MVB12B: variants seen among roughly 807,000 people sequenced by gnomAD.
MVB12B encodes ESCRT-I complex subunit MVB12B.
Under a neutral mutation model 41.6 loss-of-function variants are expected in MVB12B, and 16 were observed. That is an observed-to-expected ratio of 0.38 (90% CI 0.26 to 0.58). The LOEUF (loss-of-function observed/expected upper bound fraction) is 0.58. Among genes scored for constraint, MVB12B ranks in the 20% least tolerant of loss-of-function variants. MVB12B has a pLI of 0.62. For missense variants in MVB12B, 274 were observed against 380.2 expected (o/e 0.72, Z 2.32); for synonymous variants, 133 against 139.7 (o/e 0.95, Z 0.34).
chr9:126,464,761 G>A (rs941373961), intron 7 of MVB12B, among the ~76,000 whole-genome samples: 2 of 152,286 alleles, frequency 1.3e-5, no homozygotes. Context: ...TTCACATAGC[G>A]GAAGGCAGTG....
chr9:126,443,418 C>T (rs1489810431), intron 7 of MVB12B, among the ~76,000 whole-genome samples: 2 of 152,078 alleles, frequency 1.3e-5, no homozygotes, highest in East Asian at 1.9e-4. Flanking sequence ...CCGTCATTTC[C>T]GGTAAGAGCC....
intron 4 of MVB12B, among the ~76,000 whole-genome samples, chr9:126,388,825 T>A (rs1201885438): frequency 2.0e-5 from 3 of 152,370 alleles, no homozygotes; most frequent in African/African-American, 7.2e-5. Context: ...GCCATTTGTA[T>A]TATCTCCTCT....
intron 7 of MVB12B, among the ~76,000 whole-genome samples, chr9:126,453,157 A>G (rs1383112066): frequency 6.6e-6 from 1 of 152,198 alleles, no homozygotes; most frequent in East Asian, 1.9e-4. Flanking sequence ...ATATGTGAGA[A>G]AGATAAAATC....
At chr9:126,434,343 T>TA (rs1832413381) in intron 7 of MVB12B, among the ~76,000 whole-genome samples, 1 of 152,228 alleles carries the variant, frequency 6.6e-6, no homozygotes. Context: ...AGATTTGTCT[T>TA]ACAATTGTCT....
intron 6 of MVB12B, among the ~76,000 whole-genome samples, chr9:126,414,168 A>G (rs1831738518): frequency 6.6e-6 from 1 of 152,220 alleles, no homozygotes; most frequent in South Asian, 2.1e-4. Context: ...ATATTCTATA[A>G]CTGAAGGGCT....
At chr9:126,449,836 T>G (rs1832858571) in intron 7 of MVB12B, among the ~76,000 whole-genome samples, 1 of 152,210 alleles carries the variant, frequency 6.6e-6, no homozygotes, top group Non-Finnish European at 1.5e-5. Context: ...TAAACTCATT[T>G]AATCCTTGAA....
At position 126,413,932 on chromosome 9, in the gene MVB12B, C is replaced by T. The variant is rs889856342; in HGVS notation, c.663-7922C>T. 5.9e-5 allele frequency among the ~76,000 whole-genome samples: 9 copies of T among 152,002 alleles called. No individual in the cohort carries two copies. The South Asian group carries it at 1.5e-3, about 25-fold the overall frequency. On this transcript the variant is annotated intron_variant, in intron 6 of 9. Coordinates refer to ENST00000361171, the MANE Select transcript of MVB12B (RefSeq NM_033446.3). ...GCCTTGCTAGTCACCACTCTCTCGA[C>T]GCTGCCCTTTGACAGTCTGGGAGGA...
At chr9:126,491,284 G>A (rs538759115) in intron 9 of MVB12B, among the ~76,000 whole-genome samples, 202 of 152,312 alleles carry the variant, frequency 1.3e-3, no homozygotes, top group African/African-American at 4.7e-3. Flanking sequence ...CCTATGTCCC[G>A]CAGGAATAAA....
At chr9:126,405,060 T>G (rs1831381100) in intron 6 of MVB12B, among the ~76,000 whole-genome samples, 1 of 152,236 alleles carries the variant, frequency 6.6e-6, no homozygotes, top group Non-Finnish European at 1.5e-5. Flanking sequence ...AAGTCAGAGC[T>G]TCTATTTAAT....
At chr9:126,396,716 G>C in intron 6 of MVB12B, 1 of 985,372 alleles carries the variant, frequency 1.0e-6, no homozygotes, top group Non-Finnish European at 1.2e-6. Flanking sequence ...AAGACAATCT[G>C]GTCCTTCTCA....
Position 126,417,398 on chromosome 9 carries a change from C to T in MVB12B, c.663-4456C>T, listed in dbSNP as rs530548164. ...ACAGAAACCTTCTTTTTTTTCCCTT[C>T]TTGTAAATTCCTGGTTGCTGCTGCT... is the stretch of plus-strand genomic sequence containing the variant. On this transcript the variant is annotated intron_variant, in intron 6 of 9. Transcript: ENST00000361171. 2.5e-3 allele frequency among the ~76,000 whole-genome samples: 384 copies of T among 152,136 alleles called. 1 individual carries two copies. Among genetic ancestry groups the T allele is most frequent in the Non-Finnish European group, 4.8e-3 (326 of 67,956 alleles).
chr9:126,384,718 A>G (rs1830726168), intron 3 of MVB12B, among the ~76,000 whole-genome samples: 1 of 151,634 alleles, frequency 6.6e-6, no homozygotes, highest in Non-Finnish European at 1.5e-5. Context: ...TTTTAAGTAG[A>G]GACAGGGTTT....
intron 2 of MVB12B, among the ~76,000 whole-genome samples, chr9:126,351,483 C>CTTTTTTTTTTTTTTTTTTTT (rs34141510): frequency 2.3e-5 from 2 of 86,298 alleles, no homozygotes; most frequent in African/African-American, 4.6e-5. Context: ...GTCTTTCACT[C>CTTTTTTTTTTTTTTTTTTTT]TTTTTTTTTT....
chr9:126,332,362 C>G (rs929499766), intron 1 of MVB12B, among the ~76,000 whole-genome samples: 1 of 152,202 alleles, frequency 6.6e-6, no homozygotes, highest in Non-Finnish European at 1.5e-5. Flanking sequence ...TCTCCAGTCT[C>G]AGTCCCAGCC....
At chr9:126,438,850 A>G (rs1333576447) in intron 7 of MVB12B, among the ~76,000 whole-genome samples, 1 of 152,160 alleles carries the variant, frequency 6.6e-6, no homozygotes, top group Non-Finnish European at 1.5e-5. Context: ...CCCATCACAT[A>G]TTAAGTCTTA....
At chr9:126,396,583 G>C (rs1227432662) in intron 6 of MVB12B, 1 of 985,418 alleles carries the variant, frequency 1.0e-6, no homozygotes, top group East Asian at 1.1e-4. Flanking sequence ...CTGCCCTCCG[G>C]GACATACCAC....
intron 9 of MVB12B, among the ~76,000 whole-genome samples, chr9:126,501,112 C>T (rs1337420418): frequency 6.6e-6 from 1 of 152,238 alleles, no homozygotes; most frequent in African/African-American, 2.4e-5. Context: ...TCCTCAGCCT[C>T]CCGGAGCCGG....
intron 2 of MVB12B, among the ~76,000 whole-genome samples, chr9:126,365,831 G>A (rs1273419832): frequency 1.3e-5 from 2 of 152,112 alleles, no homozygotes; most frequent in African/African-American, 2.4e-5. Flanking sequence ...CCCCCACCAC[G>A]GGCCTGTACT....
chr9:126,449,072 A>G (rs995822904), intron 7 of MVB12B, among the ~76,000 whole-genome samples: 4 of 152,146 alleles, frequency 2.6e-5, no homozygotes, highest in Admixed American at 6.5e-5. Flanking sequence ...TAACTTGCCA[A>G]TGCTCCCGTC....
Sources: gnomAD v4.1 joint callset for allele counts (sites outside exome capture counted in the v4.1 genomes callset) on GRCh38, gnomAD v4.1.1 for gene constraint, MANE v1.5 for transcripts, NCBI Gene and HGNC (gene_info 2026-07-23, HGNC 2026-07-21) for gene names.